Variants in FRMD3 observed in about 807,000 individuals in gnomAD.
The protein encoded by FRMD3 is FERM domain-containing protein 3.
In FRMD3, 33 loss-of-function variants were observed where a neutral mutation model predicts 70.2. That is an observed-to-expected ratio of 0.47 (90% CI 0.36 to 0.63). The LOEUF (loss-of-function observed/expected upper bound fraction) is 0.63. Ranked by LOEUF, FRMD3 falls within the 20% of genes least tolerant of loss-of-function variation. The pLI is 0.00. For synonymous variants in FRMD3, 279 were observed against 255.9 expected (o/e 1.09, Z -0.86); for missense variants, 632 against 711.4 (o/e 0.89, Z 1.27).
intron 1 of FRMD3, among the ~76,000 whole-genome samples, chr9:83,426,031 G>C (rs1369530761): frequency 6.6e-6 from 1 of 151,552 alleles, no homozygotes; most frequent in Non-Finnish European, 1.5e-5. Flanking sequence ...GTGCTCACAA[G>C]CGTGAGCAAA....
At chr9:83,248,733 C>T (rs1832255934) in intron 13 of FRMD3, among the ~76,000 whole-genome samples, 1 of 152,186 alleles carries the variant, frequency 6.6e-6, no homozygotes. Flanking sequence ...CAACACTTCT[C>T]AAATGGTTGG....
intron 12 of FRMD3, among the ~76,000 whole-genome samples, chr9:83,292,161 C>CT (rs11462258): frequency 0.79 from 110,765 of 141,090 alleles, 44,186 homozygotes; most frequent in East Asian, 0.95. Context: ...TTAATAAATA[C>CT]TTTTTTTTTT....
At chr9:83,546,953 T>C in the FRMD3 span, among the ~76,000 whole-genome samples, 1 of 146,456 alleles carries the variant, frequency 6.8e-6, no homozygotes, top group African/African-American at 2.5e-5. Context: ...TCCAACAATA[T>C]GTTGCTCACA....
chr9:83,286,999 G>A (rs149551919), intron 13 of FRMD3, among the ~76,000 whole-genome samples: 20 of 152,210 alleles, frequency 1.3e-4, no homozygotes, highest in Non-Finnish European at 1.6e-4. Context: ...AGCAGGACCC[G>A]GACGGTAGGA....
intron 3 of FRMD3, among the ~76,000 whole-genome samples, chr9:83,367,990 A>T (rs1445015706): frequency 1.3e-5 from 2 of 152,166 alleles, no homozygotes; most frequent in African/African-American, 2.4e-5. Context: ...TTCTACTTCC[A>T]TTGTGTTCTT....
At chr9:83,530,712 T>A (rs1185556474) in intron 1 of FRMD3, among the ~76,000 whole-genome samples, 2 of 152,296 alleles carry the variant, frequency 1.3e-5, no homozygotes, top group African/African-American at 2.4e-5. Context: ...AGTTTTTTTT[T>A]AATAGCATGG....
chr9:83,507,691 C>CATATATATATATAT (rs34251863), intron 1 of FRMD3, among the ~76,000 whole-genome samples: 16 of 49,216 alleles, frequency 3.3e-4, no homozygotes, highest in East Asian at 6.4e-4. Context: ...AATATACATA[C>CATATATATATATAT]ATATATATAT....
chr9:83,460,531 C>A (rs866231503), intron 1 of FRMD3, among the ~76,000 whole-genome samples: 1 of 152,144 alleles, frequency 6.6e-6, no homozygotes, highest in African/African-American at 2.4e-5. Flanking sequence ...CAGGGCCAAG[C>A]GGAGCAAGAT....
chr9:83,426,371 C>T (rs1030377933), intron 1 of FRMD3, among the ~76,000 whole-genome samples: 1 of 152,180 alleles, frequency 6.6e-6, no homozygotes, highest in African/African-American at 2.4e-5. Flanking sequence ...TAAAGATAAC[C>T]GAGGCACAAT....
intron 6 of FRMD3, among the ~76,000 whole-genome samples, chr9:83,323,897 A>G (rs1383047571): frequency 2.6e-5 from 4 of 152,228 alleles, no homozygotes; most frequent in Non-Finnish European, 5.9e-5. Context: ...GCCATTTCCT[A>G]GAAAAGTTAA....
intron 12 of FRMD3, among the ~76,000 whole-genome samples, chr9:83,292,434 A>C (rs1834463137): frequency 6.6e-6 from 1 of 152,164 alleles, no homozygotes; most frequent in South Asian, 2.1e-4. Flanking sequence ...TGCTGGGATT[A>C]CAGGCTTGAG....
At chr9:83,444,796 A>C (rs899004254) in intron 1 of FRMD3, among the ~76,000 whole-genome samples, 1 of 152,184 alleles carries the variant, frequency 6.6e-6, no homozygotes, top group Admixed American at 6.5e-5. Context: ...GTTGGAGTTA[A>C]GACTGAGAAA....
At chr9:83,262,093 C>T (rs1014477729) in intron 13 of FRMD3, among the ~76,000 whole-genome samples, 1 of 152,138 alleles carries the variant, frequency 6.6e-6, no homozygotes, top group Non-Finnish European at 1.5e-5. Context: ...ATTAATTCTC[C>T]CAGAGAACAT....
At chr9:83,357,592 AT>A (rs958072038) in intron 3 of FRMD3, among the ~76,000 whole-genome samples, 4 of 151,506 alleles carry the variant, frequency 2.6e-5, no homozygotes, top group African/African-American at 9.7e-5. Context: ...AACATTTATT[AT>A]TTTTTTATTT....
intron 13 of FRMD3, among the ~76,000 whole-genome samples, chr9:83,266,008 C>A (rs911182672): frequency 2.0e-5 from 3 of 151,930 alleles, no homozygotes; most frequent in Non-Finnish European, 4.4e-5. Context: ...CTTTATATTA[C>A]CTAATATTAT....
intron 1 of FRMD3, among the ~76,000 whole-genome samples, chr9:83,429,127 A>G (rs72745064): frequency 0.084 from 12,770 of 152,278 alleles, 613 homozygotes; most frequent in South Asian, 0.2. Flanking sequence ...GATCCATAGA[A>G]GATATTCACA....
At chr9:83,272,738 C>G (rs1360913146) in intron 13 of FRMD3, among the ~76,000 whole-genome samples, 2 of 146,820 alleles carry the variant, frequency 1.4e-5, no homozygotes, top group African/African-American at 2.5e-5. Flanking sequence ...AAGTGAGGAG[C>G]GTCTCTGCCC....
intron 10 of FRMD3, among the ~76,000 whole-genome samples, chr9:83,307,245 G>A (rs942086961): frequency 1.3e-5 from 2 of 152,124 alleles, no homozygotes; most frequent in Admixed American, 1.3e-4. Flanking sequence ...AAAAGCTTAG[G>A]CACTGAAAAC....
chr9:83,425,938 T>TGGCCC (rs1826796898), intron 1 of FRMD3, among the ~76,000 whole-genome samples: 1 of 145,766 alleles, frequency 6.9e-6, no homozygotes, highest in African/African-American at 2.5e-5. Flanking sequence ...ACAACCTTCC[T>TGGCCC]GGCCCTTGCG....
Sources: gnomAD v4.1 joint callset for allele counts (sites outside exome capture counted in the v4.1 genomes callset) on GRCh38, gnomAD v4.1.1 for gene constraint, MANE v1.5 for transcripts, NCBI Gene and HGNC (gene_info 2026-07-23, HGNC 2026-07-21) for gene names.